MTMR1: variants seen among roughly 807,000 people sequenced by gnomAD.
MTMR1 encodes myotubularin related protein 1.
MTMR1 carries 17 observed loss-of-function variants against 51.6 expected under a neutral mutation model. That is an observed-to-expected ratio of 0.33 (90% CI 0.23 to 0.49). The LOEUF is 0.49. Ranked by LOEUF, MTMR1 falls within the 20% of genes least tolerant of loss-of-function variation. The pLI is 0.99. For missense variants in MTMR1, 386 were observed against 526.9 expected (o/e 0.73, Z 2.62); for synonymous variants, 201 against 205.6 (o/e 0.98, Z 0.19).
At chrX:150,743,898 A>C (rs1243293095) in intron 12 of MTMR1, among the ~76,000 whole-genome samples, 1 of 112,745 alleles carries the variant, frequency 8.9e-6, no homozygotes, top group South Asian at 3.6e-4. Context: ...AGAATTGGTT[A>C]AAAGTTGTAG....
intron 4 of MTMR1, among the ~76,000 whole-genome samples, chrX:150,726,626 A>G (rs782505566): frequency 1.5e-4 from 17 of 112,417 alleles, no homozygotes; most frequent in African/African-American, 5.5e-4. Flanking sequence ...GAAAACATGA[A>G]GATGTGGTAT....
At chrX:150,744,521 T>C (rs1557417405) in intron 13 of MTMR1, 68 bp downstream of exon 13, 6 of 859,519 alleles carry the variant, frequency 7.0e-6, no homozygotes, top group African/African-American at 2.0e-5. Context: ...TAAACTATTA[T>C]TGCTGTTTCA....
At chrX:150,752,233 C>T (rs2042764685) in intron 14 of MTMR1, among the ~76,000 whole-genome samples, 1 of 111,512 alleles carries the variant, frequency 9.0e-6, no homozygotes, top group Non-Finnish European at 1.9e-5. Context: ...TTCTTAACTG[C>T]CTTACAGCTA....
At chrX:150,741,523 A>C (rs1247507368) in intron 12 of MTMR1, among the ~76,000 whole-genome samples, 1 of 111,801 alleles carries the variant, frequency 8.9e-6, no homozygotes, top group Non-Finnish European at 1.9e-5. Context: ...CACCATACCC[A>C]CTGCATACTT....
intron 3 of MTMR1, among the ~76,000 whole-genome samples, chrX:150,718,057 CA>C (rs1229087049): frequency 8.9e-6 from 1 of 112,552 alleles, no homozygotes; most frequent in Non-Finnish European, 1.9e-5. Flanking sequence ...TGTCCGTGTG[CA>C]CGAGCACACA....
At chrX:150,707,581 A>C in intron 2 of MTMR1, among the ~76,000 whole-genome samples, 1 of 112,368 alleles carries the variant, frequency 8.9e-6, no homozygotes, top group Middle Eastern at 4.6e-3. Context: ...AAAAGTGACA[A>C]CACCAAATGT....
In MTMR1 at chrX:150,764,454, T is replaced by G. The variant is rs1431781175; in HGVS notation, c.*1725T>G. On this transcript the variant is annotated 3_prime_UTR_variant, in exon 16 of 16. Coordinates refer to ENST00000445323, the MANE Select transcript of MTMR1 (RefSeq NM_001306144.3). ...AAAGCTTATTTATGAATGGATATAC[T>G]GGATTATTGATATACTGATTTTTTT... is the stretch of plus-strand genomic sequence containing the variant. 1 of 112,298 alleles carries G rather than the reference T, an allele frequency of 8.9e-6. No individual in the cohort carries two copies. The highest frequency in any genetic ancestry group is 1.9e-5 in the Non-Finnish European group (1 of 53,274). 9.3% of individuals were successfully genotyped at this position (112,298 alleles called of 1,213,427 possible).
In MTMR1 at chrX:150,750,832, C is replaced by T. The variant is rs782018043; in HGVS notation, c.1669C>T (p.Arg557Ter). Residue 557 changes from arginine (R) to a stop codon, truncating the protein, a stop_gained, in exon 14 of 16, where the codon CGA becomes TGA. Coordinates refer to ENST00000445323, the MANE Select transcript of MTMR1 (RefSeq NM_001306144.3). LOFTEE classifies it high-confidence loss of function. ...GTFLCNCEQQ[R>*]FKEDVYTKTI... ...CTTTTTGTGCAACTGTGAACAGCAG[C>T]GATTCAAAGAGGTGAGTATGCTGCA... is the stretch of plus-strand genomic sequence containing the variant. 1.7e-6 allele frequency: 2 copies of T among 1,193,277 alleles called. No individual in the cohort carries two copies. The highest frequency in any genetic ancestry group is 1.8e-5 in the South Asian group (1 of 55,731).
chrX:150,760,493 C>G (rs1470265197), intron 15 of MTMR1, among the ~76,000 whole-genome samples: 1 of 112,006 alleles, frequency 8.9e-6, no homozygotes, highest in East Asian at 2.8e-4. Flanking sequence ...ACTGTCTTGC[C>G]TTATGTCTTG....
rs1464370448 is a variant in MTMR1, at chrX:150,730,125, G to A, written c.572G>A (p.Arg191Gln). ...EIVCKDMRNL[R>Q]LAYKQEEQSK... ...GTTTAACAGGATATGAGGAACTTGC[G>A]GCTTGCTTATAAACAGGAAGAACAG... Residue 191 changes from arginine (R) to glutamine (Q), a missense_variant, in exon 7 of 16, where the codon CGG becomes CAG. Arg to Gln is a conservative substitution (Grantham distance 43). Coordinates refer to ENST00000445323, the MANE Select transcript of MTMR1 (RefSeq NM_001306144.3). The A allele has an allele frequency of 3.3e-6, 4 of 1,200,653 alleles. No homozygotes were observed. Among genetic ancestry groups the A allele is most frequent in the Non-Finnish European group, 4.5e-6 (4 of 890,555 alleles).
chrX:150,735,729 T>C (rs1301665449), intron 10 of MTMR1: 1 of 314,003 alleles, frequency 3.2e-6, no homozygotes, highest in Non-Finnish European at 5.5e-6. Context: ...TGTGTACACA[T>C]TGTGGAATGG....
At chrX:150,730,438 G>T (rs868929196) in intron 7 of MTMR1, 87 bp from the exon 8 acceptor site, 1 of 635,801 alleles carries the variant, frequency 1.6e-6, no homozygotes, top group Middle Eastern at 4.9e-4. Flanking sequence ...AATACACTCA[G>T]CTCATATTAG....
At chrX:150,730,705 G>A (rs922230203) in intron 8 of MTMR1, 97 bp downstream of exon 8, 12 of 477,449 alleles carry the variant, frequency 2.5e-5, no homozygotes, top group Admixed American at 8.0e-5. Flanking sequence ...AAACTTTTTC[G>A]AACAAGTTAT....
chrX:150,762,840 G>A lies in MTMR1; in HGVS notation c.*111G>A. On this transcript the variant is annotated 3_prime_UTR_variant, in exon 16 of 16. Transcript: ENST00000445323. ...TCTTGTCTTTTAGGATTAGGCCCAGGGACCATTTGTGTGGCTAGGTGACAG... is the reference window on the plus strand; with the variant it reads ...TCTTGTCTTTTAGGATTAGGCCCAGAGACCATTTGTGTGGCTAGGTGACAG... The A allele has an allele frequency of 1.1e-6, 1 of 894,907 alleles. No homozygotes were observed. Among genetic ancestry groups the A allele is most frequent in the African/African-American group, 2.1e-5 (1 of 48,423 alleles). The allele number at this position is 894,907 out of a possible 1,213,427, so 73.8% of individuals were successfully genotyped here.
At chrX:150,733,168 A>G (rs1318512489) in intron 10 of MTMR1, among the ~76,000 whole-genome samples, 1 of 111,876 alleles carries the variant, frequency 8.9e-6, no homozygotes, top group African/African-American at 3.3e-5. Context: ...GCACCTGTGT[A>G]GTGTACCTCG....
chrX:150,693,416 G>A lies in MTMR1; in HGVS notation c.-115G>A. ...CAGGTGACAGCTAATGGCGGCGGCC[G>A]CCTGAGGCGGGCGGGCGGTATAGAG... On this transcript the variant is annotated 5_prime_UTR_variant, in exon 1 of 16. Coordinates refer to ENST00000445323, the MANE Select transcript of MTMR1 (RefSeq NM_001306144.3). 8.8e-5 allele frequency: 66 copies of A among 748,279 alleles called. No individual in the cohort carries two copies. The highest frequency in any genetic ancestry group is 1.0e-4 in the Non-Finnish European group (66 of 634,319). The allele number at this position is 748,279 out of a possible 1,213,427, so 61.7% of individuals were successfully genotyped here. A position where few individuals can be genotyped will look rare whatever the true frequency, so the allele number is the denominator to read the frequency against.
chrX:150,742,349 A>G (rs782197963), intron 12 of MTMR1, among the ~76,000 whole-genome samples: 1 of 112,095 alleles, frequency 8.9e-6, no homozygotes, highest in African/African-American at 3.2e-5. Flanking sequence ...GAAAAGGTAC[A>G]GTAAAAATAT....
chrX:150,700,491 A>G (rs1200152937), intron 2 of MTMR1, among the ~76,000 whole-genome samples: 5 of 112,307 alleles, frequency 4.5e-5, no homozygotes, highest in South Asian at 3.7e-4. Flanking sequence ...GTATTTCTTA[A>G]TCATTTTTCC....
intron 4 of MTMR1, among the ~76,000 whole-genome samples, chrX:150,724,522 T>G (rs782366770): frequency 8.9e-6 from 1 of 112,309 alleles, no homozygotes; most frequent in East Asian, 2.8e-4. Flanking sequence ...TGCAAATATT[T>G]TCTCCCATTC....
Sources: allele counts gnomAD v4.1 joint callset (sites outside exome capture counted in the v4.1 genomes callset), GRCh38; gene constraint gnomAD v4.1.1; transcripts MANE v1.5; gene names NCBI Gene and HGNC (gene_info 2026-07-23, HGNC 2026-07-21).